TCFL5: variants seen among roughly 807,000 people sequenced by gnomAD.
The protein encoded by TCFL5 is transcription factor like 5, also known as transcription factor-like 5 protein.
TCFL5 carries 9 observed loss-of-function variants against 44.3 expected under a neutral mutation model. That is an observed-to-expected ratio of 0.20 (90% CI 0.12 to 0.35). The LOEUF (loss-of-function observed/expected upper bound fraction) is 0.35, where lower values mean the gene tolerates loss of function less well. Among genes scored for constraint, TCFL5 ranks in the 10% least tolerant of loss-of-function variants. TCFL5 has a pLI of 1.00. For missense variants in TCFL5, 603 were observed against 613.4 expected (o/e 0.98, Z 0.18); for synonymous variants, 319 against 271.6 (o/e 1.17, Z -1.72).
At position 62,861,515 on chromosome 20, in the gene TCFL5, C is replaced by G; in HGVS notation, c.156G>C (p.Val52=). ...TDLSLVEMTE[V]EYTQLQHILC... ...GGATGTGCTGCAGCTGCGTGTACTC[C>G]ACCTCCGTCATCTCCACCAGGCTCA... is the stretch of plus-strand genomic sequence containing the variant. Residue 52 remains valine (V), a synonymous_variant, in exon 1 of 6, where the codon GTG becomes GTC. Coordinates refer to ENST00000335351, the MANE Select transcript of TCFL5 (RefSeq NM_006602.4). This position sits in a 1 kb window ranked among gnomAD's most constrained non-coding sequence, Gnocchi z 4.0. 8.4e-7 allele frequency: 1 copy of G among 1,186,666 alleles called. No homozygotes were observed. The highest frequency in any genetic ancestry group is 1.1e-6 in the Non-Finnish European group (1 of 942,794). The allele number at this position is 1,186,666 out of a possible 1,614,324, so 73.5% of individuals were successfully genotyped here. A position where few individuals can be genotyped will look rare whatever the true frequency, so the allele number is the denominator to read the frequency against.
intron 5 of TCFL5, among the ~76,000 whole-genome samples, chr20:62,844,022 G>C (rs1367105093): frequency 1.3e-5 from 2 of 152,112 alleles, no homozygotes; most frequent in Non-Finnish European, 2.9e-5. Context: ...TCCACCTTTT[G>C]GCCACTGTGA....
At chr20:62,860,391 A>G in intron 1 of TCFL5, 83 bp from the exon 2 acceptor site, 1 of 1,313,676 alleles carries the variant, frequency 7.6e-7, no homozygotes, top group Non-Finnish European at 1.1e-6. Context: ...GGCTCTGGCT[A>G]GTTTTTCCAG....
At position 62,845,628 on chromosome 20, in the gene TCFL5, G is replaced by A. The variant is rs1446987097; in HGVS notation, c.1381-3531C>T. The A allele has an allele frequency of 4.4e-6, 7 of 1,598,096 alleles. No individual in the cohort carries two copies. The Admixed American group carries it at 5.1e-5, about 12-fold the overall frequency. On this transcript the variant is annotated intron_variant, in intron 5 of 5. Transcript: ENST00000335351. ...AGACCCTCGGAGCTGGTCTCGGACT[G>A]CTGGGGCGTCACCCCTTCAGCAACC...
intron 5 of TCFL5, chr20:62,845,711 C>T (rs143496454): frequency 7.2e-5 from 116 of 1,606,708 alleles, no homozygotes; most frequent in East Asian, 9.0e-5. Context: ...TCCAATATGA[C>T]GAGGACTCGG....
At chr20:62,859,652 A>C (rs1195845397) in intron 2 of TCFL5, 126 bp from the exon 3 acceptor site, 3 of 842,180 alleles carry the variant, frequency 3.6e-6, no homozygotes, top group African/African-American at 3.5e-5. Context: ...CTTTAGTTGC[A>C]CTGAAGATTT....
chr20:62,854,161 T>C lies in TCFL5; in HGVS notation c.1239-4A>G, dbSNP rs376602229. 95 of 1,613,848 alleles carry C rather than the reference T, an allele frequency of 5.9e-5. 2 individuals are homozygous for C. Among genetic ancestry groups the C allele is most frequent in the Middle Eastern group, 1.6e-4 (1 of 6,062 alleles). On this transcript the variant is annotated splice_polypyrimidine_tract_variant and splice_region_variant and intron_variant, in intron 4 of 5. Transcript: ENST00000335351. ...ACAGCAAATGCGGATTCTGCGCCTA[T>C]AGTCAAAACCCAAAGTCATCACCGA... is the stretch of plus-strand genomic sequence containing the variant.
intron 5 of TCFL5, among the ~76,000 whole-genome samples, chr20:62,843,443 G>C (rs2063702067): frequency 6.6e-6 from 1 of 152,040 alleles, no homozygotes; most frequent in African/African-American, 2.4e-5. Flanking sequence ...GGGTGGGAGG[G>C]CGAGGGGATA....
At chr20:62,859,783 C>T (rs139675760) in intron 2 of TCFL5, among the ~76,000 whole-genome samples, 1 of 150,588 alleles carries the variant, frequency 6.6e-6, no homozygotes, top group African/African-American at 2.5e-5. Flanking sequence ...TGCAGGGTCG[C>T]GATGTCAGCC....
intron 5 of TCFL5, chr20:62,845,255 G>A (rs1283176960): frequency 6.5e-6 from 5 of 768,922 alleles, no homozygotes; most frequent in Non-Finnish European, 8.0e-6. Context: ...CTGAGTAGCT[G>A]GGATTACAGG....
rs1479905599 is a variant in TCFL5, at chr20:62,859,991, C to T, written c.831+134G>A. ...CCCAAAGTGCTGGGATTACAGGTGT[C>T]GGCCTTGGCGCCCGGCTTAAAAGGT... On this transcript the variant is annotated intron_variant, in intron 2 of 5. Transcript: ENST00000335351. The T allele has an allele frequency of 2.8e-5, 24 of 868,380 alleles. 1 individual carries two copies. The highest frequency in any genetic ancestry group is 3.8e-4 in the Middle Eastern group (1 of 2,648). The allele number at this position is 868,380 out of a possible 1,614,324, so 53.8% of individuals were successfully genotyped here. A position where few individuals can be genotyped will look rare whatever the true frequency, so the allele number is the denominator to read the frequency against.
At position 62,861,783 on chromosome 20, in the gene TCFL5, C is replaced by G. The variant is rs1381819457; in HGVS notation, c.-113G>C. 7.3e-6 allele frequency: 1 copy of G among 136,734 alleles called. No individual in the cohort carries two copies. Among genetic ancestry groups the G allele is most frequent in the Non-Finnish European group, 1.7e-5 (1 of 59,920 alleles). 8.5% of individuals were successfully genotyped at this position (136,734 alleles called of 1,614,324 possible). On this transcript the variant is annotated 5_prime_UTR_variant, in exon 1 of 6. Transcript: ENST00000335351. This position sits in a 1 kb window ranked among gnomAD's most constrained non-coding sequence, Gnocchi z 4.0. ...GGCCCGAGCACTACTCTGCGCCGGC[C>G]ACAGCCGGCGCGCCGTTGGGGGAGG...
chr20:62,851,085 G>C (rs902166755), intron 5 of TCFL5, among the ~76,000 whole-genome samples: 1 of 152,208 alleles, frequency 6.6e-6, no homozygotes, highest in African/African-American at 2.4e-5. Flanking sequence ...AAATAATGTA[G>C]AGAAATCACT....
At position 62,842,035 on chromosome 20, in the gene TCFL5, G is replaced by C; in HGVS notation, c.1443C>G (p.Ser481=). The C allele has an allele frequency of 1.9e-6, 3 of 1,614,236 alleles. No individual in the cohort carries two copies. The highest frequency in any genetic ancestry group is 2.5e-6 in the Non-Finnish European group (3 of 1,180,048). Residue 481 remains serine (S), a synonymous_variant, in exon 6 of 6, where the codon TCC becomes TCG. Transcript: ENST00000335351. This position sits in a 1 kb window ranked among gnomAD's most constrained non-coding sequence, Gnocchi z 4.3. ...GRRLKLTRPD[S]LVTCPAQGSL... ...TCCCCTGTGCAGGACAGGTCACCAA[G>C]GAGTCCGGTCTGGTCAGCTTTAGCC...
At chr20:62,845,759 C>T in intron 5 of TCFL5, 1 of 1,606,378 alleles carries the variant, frequency 6.2e-7, no homozygotes, top group Non-Finnish European at 8.5e-7. Context: ...GAGATAACTT[C>T]TCCATCACCA....
At chr20:62,854,607 G>C (rs2063859814) in intron 4 of TCFL5, among the ~76,000 whole-genome samples, 3 of 152,194 alleles carry the variant, frequency 2.0e-5, no homozygotes, top group Admixed American at 1.3e-4. Flanking sequence ...TACCCTACCA[G>C]GAACTCGTGC....
intron 5 of TCFL5, chr20:62,852,241 A>G: frequency 2.0e-6 from 2 of 985,412 alleles, no homozygotes; most frequent in Non-Finnish European, 1.2e-6. Context: ...CTGTGGATCT[A>G]TTTCACTAAG....
chr20:62,849,227 T>G (rs931650182), intron 5 of TCFL5, among the ~76,000 whole-genome samples: 2 of 151,850 alleles, frequency 1.3e-5, no homozygotes, highest in Non-Finnish European at 2.9e-5. Flanking sequence ...TACTATCAAA[T>G]GGATCCCAAA....
intron 2 of TCFL5, among the ~76,000 whole-genome samples, chr20:62,859,884 G>A (rs2063963256): frequency 6.6e-6 from 1 of 151,798 alleles, no homozygotes; most frequent in African/African-American, 2.4e-5. Flanking sequence ...CTACCACCTG[G>A]TTAATTTTCG....
chr20:62,844,582 G>GTTTTT (rs745684819), intron 5 of TCFL5, among the ~76,000 whole-genome samples: 11 of 120,562 alleles, frequency 9.1e-5, no homozygotes, highest in African/African-American at 3.9e-4. Flanking sequence ...TTTGTTTTTT[G>GTTTTT]TTTTTTTTTT....
Sources: allele counts gnomAD v4.1 joint callset (sites outside exome capture counted in the v4.1 genomes callset), GRCh38; gene constraint gnomAD v4.1.1; non-coding constraint Gnocchi (gnomAD v3.1); transcripts MANE v1.5; gene names NCBI Gene and HGNC (gene_info 2026-07-23, HGNC 2026-07-21).